JAG1: variants seen among roughly 807,000 people sequenced by gnomAD.
JAG1 encodes the protein jagged canonical Notch ligand 1.
JAG1 carries 23 observed loss-of-function variants against 148.7 expected under a neutral mutation model. The observed-to-expected ratio is 0.15, with a 90% CI of 0.11 to 0.22. JAG1 has a LOEUF of 0.22. Among genes scored for constraint, JAG1 ranks in the 10% least tolerant of loss-of-function variants. JAG1 has a pLI of 1.00. For missense variants in JAG1, 1,054 were observed against 1,611.2 expected, an observed-to-expected ratio of 0.65 and a Z score of 5.92; for synonymous variants, 572 against 598.3, an observed-to-expected ratio of 0.96 and a Z score of 0.64.
intron 3 of JAG1, 98 bp downstream of exon 3, chr20:10,663,865 A>G: frequency 1.1e-6 from 1 of 928,588 alleles, no homozygotes; most frequent in East Asian, 2.4e-5. Flanking sequence ...GGTGGCAGAA[A>G]TGCTAAGTAC....
chr20:10,656,178 GC>G (rs1404045807), intron 5 of JAG1, among the ~76,000 whole-genome samples: 3 of 152,212 alleles, frequency 2.0e-5, no homozygotes, highest in African/African-American at 7.2e-5. Flanking sequence ...CACTGGCTAT[GC>G]CCAAAGAGTT....
Position 10,641,475 on chromosome 20 carries a change from C to T in JAG1, c.2901G>A (p.Lys967=), listed in dbSNP as rs780648241. ...TGTTACATACTGGTGACATCATCTC[C>T]TTGTTAAAGGTAAATGTGATGTTCG... is the stretch of plus-strand genomic sequence containing the variant. ...NCANITFTFN[K]EMMSPGLTTE... Residue 967 remains lysine, a synonymous_variant, in exon 23 of 26, where the codon AAG becomes AAA. Transcript: ENST00000254958. 5 of 1,613,978 alleles carry T rather than the reference C, an allele frequency of 3.1e-6. No homozygotes were observed. Among genetic ancestry groups the T allele is most frequent in the South Asian group, 1.1e-5 (1 of 91,086 alleles).
Position 10,641,670 on chromosome 20 carries a change from G to A in JAG1, c.2706C>T (p.Cys902=). 1 of 1,613,868 alleles carries A rather than the reference G, an allele frequency of 6.2e-7. No homozygotes were observed. Among genetic ancestry groups the A allele is most frequent in the African/African-American group, 1.3e-5 (1 of 75,042 alleles). Residue 902 remains cysteine, a synonymous_variant, in exon 23 of 26, where the codon TGC becomes TGT. Transcript: ENST00000254958. The part of the protein sequence containing the change: ...CSKVWCGPRP[C]LLHKGHSECP... ...ACTCGCTGTGCCCTTTGTGGAGCAG[G>A]CAAGGTCGAGGGCCACACCAGACCT...
At chr20:10,640,269 C>T (rs1418122585) in intron 25 of JAG1, among the ~76,000 whole-genome samples, 1 of 152,172 alleles carries the variant, frequency 6.6e-6, no homozygotes, top group Non-Finnish European at 1.5e-5. Flanking sequence ...CAGCTCAGTA[C>T]AGGAGTTGGT....
At chr20:10,644,447 T>A in intron 18 of JAG1, 63 bp from the exon 19 acceptor site, 1 of 1,293,726 alleles carries the variant, frequency 7.7e-7, no homozygotes, top group Non-Finnish European at 1.1e-6. Context: ...TAGCCCTAAG[T>A]AAAACCACCA....
rs762788344 is a variant in JAG1 at position 10,656,462 on chromosome 20, T to TA, written c.695-5dup. The stretch of plus-strand genomic sequence containing the variant: ...CTGCAGCCTTGTCGGCAAATAGCTG[T>TA]AAAAAACAGAGAAGGGCGTGTCAGC... On this transcript the variant is annotated splice_polypyrimidine_tract_variant and splice_region_variant and intron_variant, in intron 4 of 25. Transcript: ENST00000254958. 13 of 1,613,472 alleles carry TA rather than the reference T, an allele frequency of 8.1e-6. No homozygotes were observed. The highest frequency in any genetic ancestry group is 6.7e-5 in the Admixed American group (4 of 59,992).
intron 3 of JAG1, among the ~76,000 whole-genome samples, chr20:10,661,239 T>G (rs2067415146): frequency 6.6e-6 from 1 of 152,170 alleles, no homozygotes; most frequent in South Asian, 2.1e-4. Flanking sequence ...GAGGGCTCAC[T>G]GCAGAGCTGA....
intron 7 of JAG1, among the ~76,000 whole-genome samples, 164 bp downstream of exon 7, chr20:10,651,967 T>TA (rs2067349614): frequency 6.6e-6 from 1 of 152,214 alleles, no homozygotes; most frequent in Admixed American, 6.5e-5. Flanking sequence ...CAAAAAACTT[T>TA]AGAGACTTGA....
chr20:10,666,601 C>CA (rs1348639748), intron 2 of JAG1, among the ~76,000 whole-genome samples: 2 of 152,188 alleles, frequency 1.3e-5, no homozygotes, highest in Non-Finnish European at 2.9e-5. Flanking sequence ...GCCGAAGAGT[C>CA]ACCTGGCTTT....
In JAG1 at chr20:10,673,337, G is replaced by T. The variant is rs1418407886; in HGVS notation, c.81+113C>A. The T allele has an allele frequency of 5.4e-5, 44 of 816,552 alleles. No homozygotes were observed. Among genetic ancestry groups the T allele is most frequent in the Non-Finnish European group, 1.7e-5 (9 of 529,598 alleles). The allele number at this position is 816,552 out of a possible 1,614,324, so 50.6% of individuals were successfully genotyped here. A position where few individuals can be genotyped will look rare whatever the true frequency, so the allele number is the denominator to read the frequency against. On this transcript the variant is annotated intron_variant, in intron 1 of 25. Transcript: ENST00000254958. This position sits in a 1 kb window ranked among gnomAD's most constrained non-coding sequence, Gnocchi z 4.7. Reference sequence around the variant, plus strand: ...GGTGCAGCCGCTCGGGCGCAGGGGCGAGGAGTCGGGCGCTCGAGGGCTGCC... The same window carrying T: ...GGTGCAGCCGCTCGGGCGCAGGGGCTAGGAGTCGGGCGCTCGAGGGCTGCC...
Position 10,642,501 on chromosome 20 carries a change from G to T in JAG1, c.2559C>A (p.Ala853=). Residue 853 remains alanine, a synonymous_variant, in exon 21 of 26, where the codon GCC becomes GCA. Coordinates refer to ENST00000254958, the MANE Select transcript of JAG1 (RefSeq NM_000214.3). The stretch of plus-strand genomic sequence containing the variant: ...TGGCACACATACCTTCCTGGCACTT[G>T]GCACCACTGTGCCCTGGAGGGCAGA... ...RCVCPPGHSG[A]KCQEVSGRPC... is the part of the protein sequence containing the mutation. 6.2e-7 allele frequency: 1 copy of T among 1,607,870 alleles called. No homozygotes were observed. Among genetic ancestry groups the T allele is most frequent in the Non-Finnish European group, 8.5e-7 (1 of 1,174,276 alleles).
chr20:10,644,290 A>ACACG, intron 19 of JAG1, 67 bp downstream of exon 19: 8 of 1,078,220 alleles, frequency 7.4e-6, no homozygotes, highest in Non-Finnish European at 9.7e-6. Context: ...ACACACACAC[A>ACACG]CACACACACA....
intron 2 of JAG1, among the ~76,000 whole-genome samples, chr20:10,664,385 C>T (rs1280274819): frequency 6.8e-6 from 1 of 147,648 alleles, no homozygotes; most frequent in African/African-American, 2.7e-5. Flanking sequence ...CACACACACA[C>T]ACACACACAC....
chr20:10,641,049 A>T (rs1268609717), intron 24 of JAG1, 64 bp downstream of exon 24: 1 of 1,612,870 alleles, frequency 6.2e-7, no homozygotes, highest in Non-Finnish European at 8.5e-7. Context: ...TGCTCCATTC[A>T]GACACTGGTT....
At chr20:10,667,236 G>A (rs561364416) in intron 2 of JAG1, among the ~76,000 whole-genome samples, 30 of 152,332 alleles carry the variant, frequency 2.0e-4, no homozygotes, top group Non-Finnish European at 3.2e-4. Context: ...AGGCCCGCCG[G>A]CGGCACGCAC....
chr20:10,645,544 C>T lies in JAG1; in HGVS notation c.2000-75G>A. 2 of 1,131,258 alleles carry T rather than the reference C, an allele frequency of 1.8e-6. No homozygotes were observed. Among genetic ancestry groups the T allele is most frequent in the Non-Finnish European group, 2.7e-6 (2 of 747,682 alleles). 70.1% of individuals were successfully genotyped at this position (1,131,258 alleles called of 1,614,324 possible). On this transcript the variant is annotated intron_variant, in intron 15 of 25. Transcript: ENST00000254958. The surrounding 1 kb of genome is among the most constrained non-coding windows in gnomAD (Gnocchi z 6.1). ...CACGACAGGCGAGAGCCAAGCCTTT[C>T]CTACTGCTTACATCCAACATCCTAT... is the stretch of plus-strand genomic sequence containing the variant.
At chr20:10,661,704 A>G (rs1442222336) in intron 3 of JAG1, among the ~76,000 whole-genome samples, 1 of 152,044 alleles carries the variant, frequency 6.6e-6, no homozygotes, top group Non-Finnish European at 1.5e-5. Context: ...GGCTCTGAAA[A>G]GACCAGGATG....
At position 10,648,082 on chromosome 20, in the gene JAG1, G is replaced by A; in HGVS notation, c.1598C>T (p.Pro533Leu). Residue 533 changes from proline to leucine, a missense_variant, in exon 13 of 26, where the codon CCC (proline) becomes CTC (leucine). By Grantham distance (98) the Pro-to-Leu change is moderately conservative. Transcript: ENST00000254958. ...GTAGCACTGGGCACCGTTCTGGCAG[G>A]GATTAGGCTCACAATAATCGATGTC... ...QLDIDYCEPNPCQNGAQCYNR... is the reference protein window; with the variant it reads ...QLDIDYCEPNLCQNGAQCYNR... 1 of 1,614,182 alleles carries A rather than the reference G, an allele frequency of 6.2e-7. No individual in the cohort carries two copies. The highest frequency in any genetic ancestry group is 8.5e-7 in the Non-Finnish European group (1 of 1,180,044).
intron 19 of JAG1, among the ~76,000 whole-genome samples, chr20:10,644,140 A>AC (rs2067291710): frequency 6.6e-6 from 1 of 152,126 alleles, no homozygotes; most frequent in South Asian, 2.1e-4. Flanking sequence ...TGAGGACACA[A>AC]CCTGGCTAAT....
Sources: allele counts gnomAD v4.1 joint callset (sites outside exome capture counted in the v4.1 genomes callset), GRCh38; gene constraint gnomAD v4.1.1; non-coding constraint Gnocchi (gnomAD v3.1); transcripts MANE v1.5; gene names NCBI Gene and HGNC (gene_info 2026-07-23, HGNC 2026-07-21).